Variants in COL18A1 observed in about 807,000 individuals in gnomAD.
The protein encoded by COL18A1 is collagen alpha-1(XVIII) chain.
Under a neutral mutation model 168.0 loss-of-function variants are expected in COL18A1, and 133 were observed. That is an observed-to-expected ratio of 0.79 (90% confidence interval 0.69 to 0.91). COL18A1 has a LOEUF of 0.91. COL18A1 is among the 40% of genes least tolerant of loss of function. The pLI is 0.00. For missense variants in COL18A1, 2,126 were observed against 1,925.4 expected, an observed-to-expected ratio of 1.10 and a Z score of -1.95; for synonymous variants, 949 against 809.0, an observed-to-expected ratio of 1.17 and a Z score of -2.94.
intron 5 of COL18A1, 87 bp from the exon 6 acceptor site, chr21:45,476,264 C>T: frequency 6.3e-7 from 1 of 1,583,222 alleles, no homozygotes; most frequent in African/African-American, 1.3e-5. Context: ...TTCTTGCGAT[C>T]TTAAGTATTT....
At chr21:45,459,578 C>T (rs1294407243) in intron 2 of COL18A1, among the ~76,000 whole-genome samples, 1 of 152,228 alleles carries the variant, frequency 6.6e-6, no homozygotes, top group African/African-American at 2.4e-5. Context: ...GGGGACAGTG[C>T]AGCCGTGCTG....
At chr21:45,432,185 C>A (rs1422248538) in intron 2 of COL18A1, among the ~76,000 whole-genome samples, 1 of 152,216 alleles carries the variant, frequency 6.6e-6, no homozygotes, top group Non-Finnish European at 1.5e-5. Flanking sequence ...CCCAGCAGGG[C>A]CTCCCTGGAT....
intron 2 of COL18A1, among the ~76,000 whole-genome samples, chr21:45,452,735 C>T (rs576709678): frequency 2.7e-4 from 40 of 149,034 alleles, no homozygotes; most frequent in African/African-American, 1.0e-3. Context: ...GACGTGTGAG[C>T]ATATATGTAC....
At position 45,441,751 on chromosome 21, in the gene COL18A1, C is replaced by T. The variant is rs191916622; in HGVS notation, c.107-26491C>T. The stretch of plus-strand genomic sequence containing the variant: ...GGCATGGCGCCGGGTCAGCTCTCAC[C>T]TGTCCCCCTCAGACGCCCACCTCTG... On this transcript the variant is annotated intron_variant, in intron 2 of 41. Transcript: ENST00000651438. Among the ~76,000 whole-genome samples, 598 of 152,378 alleles carry T rather than the reference C, an allele frequency of 3.9e-3. 3 individuals carry two copies. The highest frequency in any genetic ancestry group is 6.9e-3 in the Non-Finnish European group (469 of 68,034).
chr21:45,411,430 T>C (rs1010330650), intron 2 of COL18A1, among the ~76,000 whole-genome samples: 4 of 152,098 alleles, frequency 2.6e-5, no homozygotes, highest in Admixed American at 2.6e-4. Flanking sequence ...TGATTCCTTT[T>C]TCCTGTGTGC....
In COL18A1 at chr21:45,473,063, C is replaced by T. The variant is rs143057401; in HGVS notation, c.652-832C>T. On this transcript the variant is annotated intron_variant, in intron 3 of 41. Coordinates refer to ENST00000651438, the MANE Select transcript of COL18A1 (RefSeq NM_001379500.1). This position sits in a 1 kb window ranked among gnomAD's most constrained non-coding sequence, Gnocchi z 4.0. ...GAACCCGCAGTGCGGCCAGTGGAGCCCCTGGTACTGTGCGCAGCCCCCACC... is the reference window on the plus strand; with the variant it reads ...GAACCCGCAGTGCGGCCAGTGGAGCTCCTGGTACTGTGCGCAGCCCCCACC... Among the ~76,000 whole-genome samples the T allele has an allele frequency of 4.5e-3, 678 of 152,334 alleles. 9 individuals are homozygous for T. Among genetic ancestry groups the T allele is most frequent in the African/African-American group, 0.016 (655 of 41,582 alleles).
intron 2 of COL18A1, among the ~76,000 whole-genome samples, chr21:45,419,069 C>T (rs1226367337): frequency 6.6e-6 from 1 of 152,178 alleles, no homozygotes; most frequent in Admixed American, 6.5e-5. Context: ...AGTGGCGGGT[C>T]AGGGATGCCA....
At chr21:45,490,544 G>T (rs1299986131) in intron 20 of COL18A1, among the ~76,000 whole-genome samples, 198 bp downstream of exon 20, 1 of 137,980 alleles carries the variant, frequency 7.2e-6, no homozygotes, top group African/African-American at 3.1e-5. Context: ...GGGCCTCCGT[G>T]TGCCCTCCTG....
In COL18A1 at chr21:45,481,988, A is replaced by T. The variant is rs929555166; in HGVS notation, c.1637A>T (p.Glu546Val). The T allele has an allele frequency of 6.2e-7, 1 of 1,613,474 alleles. No homozygotes were observed. Among genetic ancestry groups the T allele is most frequent in the African/African-American group, 1.3e-5 (1 of 75,000 alleles). ...LPGPPGPPGREGPPGRTGQKG... is the reference protein window; with the variant it reads ...LPGPPGPPGRVGPPGRTGQKG... ...GGACCCCCAGGCCCTCCGGGAAGAGAGGGGCCCCCAGGAAGGACTGGGCAG... is the reference window on the plus strand; with the variant it reads ...GGACCCCCAGGCCCTCCGGGAAGAGTGGGGCCCCCAGGAAGGACTGGGCAG... Residue 546 changes from glutamate to valine, a missense_variant, in exon 14 of 42, where the codon GAG becomes GTG. Coordinates refer to ENST00000651438, the MANE Select transcript of COL18A1 (RefSeq NM_001379500.1).
In COL18A1 at chr21:45,481,956, C is replaced by T. The variant is rs758539599; in HGVS notation, c.1612-7C>T. The T allele has an allele frequency of 5.0e-6, 8 of 1,606,788 alleles. No homozygotes were observed. Among genetic ancestry groups the T allele is most frequent in the Non-Finnish European group, 6.8e-6 (8 of 1,173,566 alleles). ...ATCAAGACCCACTATGCTCTGCTCT[C>T]CCCCAGGGACCCCCAGGCCCTCCGG... On this transcript the variant is annotated splice_polypyrimidine_tract_variant and splice_region_variant and intron_variant, in intron 13 of 41. Transcript: ENST00000651438.
intron 2 of COL18A1, among the ~76,000 whole-genome samples, chr21:45,427,666 C>T (rs374596286): frequency 1.3e-5 from 2 of 152,334 alleles, no homozygotes; most frequent in East Asian, 1.9e-4. Flanking sequence ...CATGCTTGTG[C>T]GTACCCTGGA....
At chr21:45,452,538 TTGTG>T (rs961154193) in intron 2 of COL18A1, among the ~76,000 whole-genome samples, 46 of 152,098 alleles carry the variant, frequency 3.0e-4, no homozygotes, top group African/African-American at 1.0e-3. Flanking sequence ...ACATATGTGA[TTGTG>T]TATGCATGTG....
intron 25 of COL18A1, 24 bp from the exon 26 acceptor site, chr21:45,493,477 C>T (rs1476630220): frequency 1.3e-6 from 2 of 1,548,704 alleles, no homozygotes; most frequent in Admixed American, 1.9e-5. Flanking sequence ...GGCCCTGACT[C>T]TGCTGGACCT....
intron 25 of COL18A1, 92 bp downstream of exon 25, chr21:45,493,317 A>G: frequency 7.0e-7 from 1 of 1,423,068 alleles, no homozygotes; most frequent in South Asian, 1.2e-5. Flanking sequence ...GGGACCTGGG[A>G]CCCCCCGGCT....
intron 2 of COL18A1, among the ~76,000 whole-genome samples, chr21:45,453,805 T>C (rs1443155841): frequency 3.3e-5 from 5 of 152,146 alleles, no homozygotes; most frequent in Non-Finnish European, 1.5e-5. Flanking sequence ...GGAGCTGCTC[T>C]CCCTCCATTG....
Position 45,509,728 on chromosome 21 carries a change from T to C in COL18A1, c.3495+127T>C, listed in dbSNP as rs905911179. 8.4e-6 allele frequency: 6 copies of C among 710,250 alleles called. No homozygotes were observed. The Admixed American group carries it at 1.0e-4, about 12-fold the overall frequency. 44.0% of individuals were successfully genotyped at this position (710,250 alleles called of 1,614,324 possible). A position where few individuals can be genotyped will look rare whatever the true frequency, so the allele number is the denominator to read the frequency against. ...CGGCCATGGGTGGGGGTCTGGCGGCTCAGGGCCACTCAGGGCGGCTTGGCT... is the reference window on the plus strand; with the variant it reads ...CGGCCATGGGTGGGGGTCTGGCGGCCCAGGGCCACTCAGGGCGGCTTGGCT... On this transcript the variant is annotated intron_variant, in intron 39 of 41. Transcript: ENST00000651438.
intron 24 of COL18A1, 37 bp downstream of exon 24, chr21:45,492,750 C>A (rs2036397330): frequency 3.3e-6 from 5 of 1,529,140 alleles, no homozygotes; most frequent in Non-Finnish European, 4.5e-6. Flanking sequence ...TGCTGCCCGG[C>A]TGGGGAGGGG....
chr21:45,480,359 G>C, intron 11 of COL18A1, 108 bp from the exon 12 acceptor site: 1 of 1,599,492 alleles, frequency 6.3e-7, no homozygotes, highest in Non-Finnish European at 8.5e-7. Flanking sequence ...TGGTTTCTCA[G>C]CTCCTTGTAG....
At chr21:45,458,186 T>C (rs2034907948) in intron 2 of COL18A1, among the ~76,000 whole-genome samples, 1 of 148,258 alleles carries the variant, frequency 6.7e-6, no homozygotes, top group South Asian at 2.1e-4. Flanking sequence ...GGGGGCCTGG[T>C]GTGTGCAGGA....
Sources: gnomAD v4.1 joint callset for allele counts (sites outside exome capture counted in the v4.1 genomes callset) on GRCh38, gnomAD v4.1.1 for gene constraint, Gnocchi (gnomAD v3.1) non-coding constraint, MANE v1.5 for transcripts, NCBI Gene and HGNC (gene_info 2026-07-23, HGNC 2026-07-21) for gene names.